The following ARAP2 variants were observed in gnomAD, a reference collection of about 807,000 sequenced individuals.
The protein encoded by ARAP2 is ArfGAP with RhoGAP domain, ankyrin repeat and PH domain 2.
In ARAP2, 148 loss-of-function variants were observed where a neutral mutation model predicts 194.5. The ratio of observed to expected loss-of-function variants is 0.76; its 90% CI spans 0.67 to 0.87. ARAP2 has a LOEUF of 0.87. ARAP2 is among the 40% of genes least tolerant of loss of function. The pLI, the probability that ARAP2 is intolerant of heterozygous loss-of-function variation, is 0.00. For synonymous variants in ARAP2, 695 were observed against 683.5 expected, an observed-to-expected ratio of 1.02 and a Z score of -0.26; for missense variants, 2,128 against 1,989.7, an observed-to-expected ratio of 1.07 and a Z score of -1.32.
rs942026581 is a variant in ARAP2, at chr4:36,101,784, G to T, written c.4285+5781C>A. ...GCAACATGCTAGAATATGAATTCAG[G>T]TCTCTTAATATCTAACATGAAATTC... On this transcript the variant is annotated intron_variant, in intron 27 of 32. Coordinates refer to ENST00000303965, the MANE Select transcript of ARAP2 (RefSeq NM_015230.4). Among the ~76,000 whole-genome samples the T allele has an allele frequency of 3.3e-5, 5 of 151,916 alleles. No individual in the cohort carries two copies. The East Asian group carries it at 9.7e-4, about 29-fold the overall frequency.
chr4:36,121,366 T>C (rs771341407), intron 22 of ARAP2, 40 bp from the exon 23 acceptor site: 1 of 1,510,080 alleles, frequency 6.6e-7, no homozygotes, highest in East Asian at 2.4e-5. Context: ...TACACTTTTA[T>C]TTGGAAATTT....
chr4:36,138,639 T>G (rs1246214330), intron 19 of ARAP2, among the ~76,000 whole-genome samples: 1 of 151,700 alleles, frequency 6.6e-6, no homozygotes, highest in Non-Finnish European at 1.5e-5. Context: ...GTCTCCTCAC[T>G]TTATATCATA....
At chr4:36,184,276 C>CATATAT (rs10602029) in intron 8 of ARAP2, among the ~76,000 whole-genome samples, 9 of 148,536 alleles carry the variant, frequency 6.1e-5, no homozygotes, top group Non-Finnish European at 1.2e-4. Flanking sequence ...GATGCATAAA[C>CATATAT]ATATATATAT....
rs1187172256 is a variant in ARAP2, at chr4:36,220,927, A to C, written c.906-6447T>G. ...ATTGCTATAAATCTAGTGTAGCCTA[A>C]GTGTACAGGGTCTATAACGTCTACA... On this transcript the variant is annotated intron_variant, in intron 2 of 32. Transcript: ENST00000303965. Among the ~76,000 whole-genome samples, 3 of 152,106 alleles carry C rather than the reference A, an allele frequency of 2.0e-5. No individual in the cohort carries two copies. In the East Asian group the frequency reaches 5.8e-4, roughly 29 times the overall value.
intron 9 of ARAP2, among the ~76,000 whole-genome samples, chr4:36,172,174 A>G (rs1186929367): frequency 6.6e-6 from 1 of 152,204 alleles, no homozygotes; most frequent in Non-Finnish European, 1.5e-5. Context: ...TAAAATAACA[A>G]TGGCTATGCT....
At chr4:36,008,224 C>A (rs1156424779) in intron 9 of ARAP2, among the ~76,000 whole-genome samples, 5 of 151,864 alleles carry the variant, frequency 3.3e-5, no homozygotes, top group Non-Finnish European at 7.4e-5. Context: ...CAAAAAGAGC[C>A]CAAATAGCCA....
At chr4:36,162,448 CATT>C (rs1734309574) in intron 11 of ARAP2, among the ~76,000 whole-genome samples, 2 of 152,198 alleles carry the variant, frequency 1.3e-5, no homozygotes, top group East Asian at 3.9e-4. Context: ...TATAAATCAT[CATT>C]CAGTCATCAC....
intron 28 of ARAP2, among the ~76,000 whole-genome samples, chr4:36,084,381 A>T (rs1481840134): frequency 6.6e-6 from 1 of 152,008 alleles, no homozygotes; most frequent in Non-Finnish European, 1.5e-5. Context: ...GTATTCAAAG[A>T]TATTCATATT....
chr4:36,153,907 T>G (rs6831347), intron 15 of ARAP2, among the ~76,000 whole-genome samples: 151,971 of 152,272 alleles, frequency 1, 75,836 homozygotes, highest in Middle Eastern at 1. Context: ...GTTATGTTGT[T>G]CCCCTTCCTT....
intron 28 of ARAP2, among the ~76,000 whole-genome samples, chr4:36,085,768 T>C (rs1326869499): frequency 6.6e-6 from 1 of 152,110 alleles, no homozygotes; most frequent in Non-Finnish European, 1.5e-5. Flanking sequence ...ATTAAACCTA[T>C]AAATCAATAC....
At chr4:36,173,686 G>A (rs1737166196) in intron 9 of ARAP2, among the ~76,000 whole-genome samples, 1 of 151,966 alleles carries the variant, frequency 6.6e-6, no homozygotes, top group South Asian at 2.1e-4. Context: ...AAAGCGAATT[G>A]GAGGAAAAAA....
At chr4:36,129,261 G>A (rs894428880) in intron 20 of ARAP2, among the ~76,000 whole-genome samples, 19 of 151,892 alleles carry the variant, frequency 1.3e-4, no homozygotes, top group Non-Finnish European at 2.8e-4. Flanking sequence ...GTGGTTAGGA[G>A]GAAGAGTGAT....
intron 20 of ARAP2, 114 bp from the exon 21 acceptor site, chr4:36,128,859 C>T (rs887918440): frequency 7.2e-5 from 59 of 825,034 alleles, no homozygotes; most frequent in Middle Eastern, 3.5e-4. Flanking sequence ...GAAATCATTA[C>T]GCAAGAGATG....
At chr4:36,106,271 C>A (rs1018725784) in intron 27 of ARAP2, among the ~76,000 whole-genome samples, 1 of 151,878 alleles carries the variant, frequency 6.6e-6, no homozygotes, top group African/African-American at 2.4e-5. Context: ...TAAGAAGGCA[C>A]AGGCAGTATA....
At chr4:36,182,835 G>A (rs1407045490) in intron 8 of ARAP2, among the ~76,000 whole-genome samples, 1 of 152,178 alleles carries the variant, frequency 6.6e-6, no homozygotes, top group Non-Finnish European at 1.5e-5. Flanking sequence ...AGAAAGTTTG[G>A]TTGAGAGGGT....
At chr4:36,159,583 A>C (rs2109772780) in intron 13 of ARAP2, 78 bp from the exon 14 acceptor site, 1 of 1,221,046 alleles carries the variant, frequency 8.2e-7, no homozygotes, top group Non-Finnish European at 1.1e-6. Context: ...AAGTCTGATA[A>C]TTTCATGTAT....
chr4:36,034,887 A>C (rs1355923820), intron 5 of ARAP2, among the ~76,000 whole-genome samples: 1 of 152,148 alleles, frequency 6.6e-6, no homozygotes, highest in Non-Finnish European at 1.5e-5. Flanking sequence ...GTGATGAATC[A>C]CATTTATTGA....
intron 31 of ARAP2, among the ~76,000 whole-genome samples, chr4:36,076,268 T>C (rs1728232653): frequency 6.6e-6 from 1 of 152,160 alleles, no homozygotes; most frequent in African/African-American, 2.4e-5. Context: ...CACTAGATCA[T>C]ATCATTTCAT....
At chr4:36,169,985 A>T (rs1337644644) in intron 9 of ARAP2, among the ~76,000 whole-genome samples, 1 of 152,260 alleles carries the variant, frequency 6.6e-6, no homozygotes, top group African/African-American at 2.4e-5. Flanking sequence ...TGCATTTTCT[A>T]TTAAAAAACT....
Sources: allele counts gnomAD v4.1 joint callset (sites outside exome capture counted in the v4.1 genomes callset), GRCh38; gene constraint gnomAD v4.1.1; transcripts MANE v1.5; gene names NCBI Gene and HGNC (gene_info 2026-07-23, HGNC 2026-07-21).